Variants in DIAPH2 observed in about 807,000 individuals in gnomAD.
DIAPH2 encodes diaphanous related formin 2.
In DIAPH2, 35 loss-of-function variants were observed where a neutral mutation model predicts 92.7. The observed-to-expected ratio is 0.38, with a 90% CI of 0.29 to 0.50. DIAPH2 has a LOEUF of 0.50. Among genes scored for constraint, DIAPH2 ranks in the 20% least tolerant of loss-of-function variants. DIAPH2 has a pLI of 0.94. For missense variants in DIAPH2, 701 were observed against 819.5 expected (o/e 0.86, Z 1.77); for synonymous variants, 301 against 280.4 (o/e 1.07, Z -0.73).
chrX:97,401,822 C>A lies in DIAPH2; in HGVS notation c.3145+17778C>A, dbSNP rs187165428. ...ACTGAGTTACTCCAGGTCCATAAAG[C>A]CAGTTTAGTGCTAAACAGTAGAGCC... On this transcript the variant is annotated intron_variant, in intron 25 of 26. Coordinates refer to ENST00000324765, the MANE Select transcript of DIAPH2 (RefSeq NM_006729.5). 2.8e-3 allele frequency among the ~76,000 whole-genome samples: 314 copies of A among 112,590 alleles called. 1 individual carries two copies. The highest frequency in any genetic ancestry group is 9.9e-3 in the African/African-American group (309 of 31,075).
At chrX:96,774,549 A>G (rs1178288352) in intron 4 of DIAPH2, among the ~76,000 whole-genome samples, 1 of 112,019 alleles carries the variant, frequency 8.9e-6, no homozygotes, top group African/African-American at 3.2e-5. Flanking sequence ...ACGAACAGGT[A>G]ACATCAATGC....
At chrX:97,391,772 A>G (rs2069662312) in intron 25 of DIAPH2, among the ~76,000 whole-genome samples, 1 of 111,221 alleles carries the variant, frequency 9.0e-6, no homozygotes, top group African/African-American at 3.3e-5. Context: ...ATCAAGGAGA[A>G]ATATTTGAGG....
At chrX:96,721,113 A>G (rs1176952351) in intron 1 of DIAPH2, among the ~76,000 whole-genome samples, 1 of 111,406 alleles carries the variant, frequency 9.0e-6, no homozygotes, top group Non-Finnish European at 1.9e-5. Flanking sequence ...ATCATCAAGT[A>G]CCTGAGGGAT....
intron 23 of DIAPH2, among the ~76,000 whole-genome samples, chrX:97,306,007 C>T (rs758940913): frequency 1.0e-4 from 11 of 105,692 alleles, no homozygotes; most frequent in African/African-American, 3.8e-4. Context: ...AAAAGGTTTG[C>T]CTGTAAAATA....
chrX:96,989,962 A>C (rs987233600), intron 17 of DIAPH2, among the ~76,000 whole-genome samples: 3 of 112,165 alleles, frequency 2.7e-5, no homozygotes, highest in Non-Finnish European at 5.6e-5. Context: ...TGGAAGGGTA[A>C]TCAACATTGT....
At chrX:97,241,360 C>T (rs1028883051) in intron 22 of DIAPH2, among the ~76,000 whole-genome samples, 6 of 109,004 alleles carry the variant, frequency 5.5e-5, no homozygotes, top group Non-Finnish European at 7.6e-5. Flanking sequence ...TGCAGTGGTG[C>T]GATCTTAGCT....
intron 22 of DIAPH2, among the ~76,000 whole-genome samples, chrX:97,241,719 G>A (rs1367012302): frequency 9.1e-6 from 1 of 109,550 alleles, no homozygotes; most frequent in Admixed American, 9.8e-5. Flanking sequence ...GACTTGATCA[G>A]TGCTACTATG....
At chrX:96,832,571 C>T (rs772236069) in intron 4 of DIAPH2, among the ~76,000 whole-genome samples, 53 of 110,954 alleles carry the variant, frequency 4.8e-4, no homozygotes, top group Non-Finnish European at 8.9e-4. Flanking sequence ...AACAAAGTTT[C>T]CTGGGTAGTT....
chrX:96,843,601 T>C (rs754316328), intron 4 of DIAPH2, among the ~76,000 whole-genome samples: 1 of 110,663 alleles, frequency 9.0e-6, no homozygotes, highest in South Asian at 3.9e-4. Context: ...TCACAGATAC[T>C]TGGAAGGGCA....
At position 96,815,861 on chromosome X, in the gene DIAPH2, G is replaced by C. The variant is rs2064730181; in HGVS notation, c.447+57603G>C. Among the ~76,000 whole-genome samples, 4 of 110,687 alleles carry C rather than the reference G, an allele frequency of 3.6e-5. No homozygotes were observed. The East Asian group carries it at 8.6e-4, about 24-fold the overall frequency. On this transcript the variant is annotated intron_variant, in intron 4 of 26. Transcript: ENST00000324765. ...TTTTGTTGTATTTTAGTGGAGACAGGGTTTCACCACGTTGCCCAGGCTGGT... is the reference window on the plus strand; with the variant it reads ...TTTTGTTGTATTTTAGTGGAGACAGCGTTTCACCACGTTGCCCAGGCTGGT...
chrX:97,508,481 A>G (rs763165993), intron 26 of DIAPH2, among the ~76,000 whole-genome samples: 136 of 112,664 alleles, frequency 1.2e-3, no homozygotes, highest in Non-Finnish European at 2.4e-3. Flanking sequence ...CACATCTAGT[A>G]TAGAGAATGG....
At chrX:96,933,900 G>A (rs2065639438) in intron 10 of DIAPH2, among the ~76,000 whole-genome samples, 1 of 108,188 alleles carries the variant, frequency 9.2e-6, no homozygotes, top group Non-Finnish European at 1.9e-5. Context: ...ACAGGTGTGA[G>A]CCACTGCGCC....
intron 26 of DIAPH2, among the ~76,000 whole-genome samples, chrX:97,473,784 A>C (rs1203078055): frequency 1.8e-5 from 2 of 111,164 alleles, no homozygotes; most frequent in African/African-American, 6.5e-5. Flanking sequence ...AACATGGTGA[A>C]ACCTGTCTGT....
chrX:97,274,540 G>A (rs1175966316), intron 23 of DIAPH2, among the ~76,000 whole-genome samples: 2 of 107,611 alleles, frequency 1.9e-5, no homozygotes, highest in African/African-American at 3.4e-5. Context: ...ATAACTAAAA[G>A]TCATATATCT....
At chrX:97,135,170 A>C (rs980658179) in intron 21 of DIAPH2, among the ~76,000 whole-genome samples, 1 of 106,845 alleles carries the variant, frequency 9.4e-6, no homozygotes, top group Non-Finnish European at 2.0e-5. Flanking sequence ...ATAGGAGAAC[A>C]AAGACAGAAT....
chrX:96,985,056 CA>C (rs2066022059), intron 17 of DIAPH2, among the ~76,000 whole-genome samples: 1 of 111,531 alleles, frequency 9.0e-6, no homozygotes, highest in Admixed American at 9.6e-5. Flanking sequence ...AATTAGTATA[CA>C]AACTGCCAGC....
intron 4 of DIAPH2, among the ~76,000 whole-genome samples, chrX:96,766,044 T>G (rs944196203): frequency 1.8e-5 from 2 of 110,678 alleles, no homozygotes; most frequent in African/African-American, 6.6e-5. Context: ...TTGTTATATT[T>G]AACATATTTT....
At chrX:96,750,075 T>TTTTTA (rs2064177876) in intron 3 of DIAPH2, among the ~76,000 whole-genome samples, 1 of 100,948 alleles carries the variant, frequency 9.9e-6, no homozygotes, top group Non-Finnish European at 2.0e-5. Flanking sequence ...TTTTTTTTTT[T>TTTTTA]GAGATGGAAA....
intron 12 of DIAPH2, among the ~76,000 whole-genome samples, chrX:96,940,663 T>G (rs1005936868): frequency 1.8e-5 from 2 of 112,030 alleles, no homozygotes; most frequent in Admixed American, 1.9e-4. Context: ...ATCGTGACAT[T>G]ACAGAGAGAT....
Sources: gnomAD v4.1 joint callset for allele counts (sites outside exome capture counted in the v4.1 genomes callset) on GRCh38, gnomAD v4.1.1 for gene constraint, MANE v1.5 for transcripts, NCBI Gene and HGNC (gene_info 2026-07-23, HGNC 2026-07-21) for gene names.